The following ITFG1 variants were observed in gnomAD, a reference collection of about 807,000 sequenced individuals.
ITFG1 encodes the protein integrin alpha FG-GAP repeat containing 1.
In ITFG1, 34 loss-of-function variants were observed where a neutral mutation model predicts 81.8. That is an observed-to-expected ratio of 0.42 (90% CI 0.32 to 0.55). The LOEUF (loss-of-function observed/expected upper bound fraction) is 0.55, where lower values mean the gene tolerates loss of function less well. Among genes scored for constraint, ITFG1 ranks in the 20% least tolerant of loss-of-function variants. The probability of loss-of-function intolerance (pLI) is 0.17; values close to 1 mark genes in which losing one functional copy is unlikely to be tolerated. For missense variants in ITFG1, 672 were observed against 755.4 expected, an observed-to-expected ratio of 0.89 and a Z score of 1.29; for synonymous variants, 285 against 270.6, an observed-to-expected ratio of 1.05 and a Z score of -0.52.
At chr16:47,378,268 A>C (rs1020609736) in intron 6 of ITFG1, among the ~76,000 whole-genome samples, 7 of 152,230 alleles carry the variant, frequency 4.6e-5, no homozygotes, top group African/African-American at 1.7e-4. Flanking sequence ...CTCTTAACCC[A>C]TTTGAAAATA....
intron 8 of ITFG1, among the ~76,000 whole-genome samples, chr16:47,317,170 AT>A (rs1381053556): frequency 6.6e-6 from 1 of 152,216 alleles, no homozygotes; most frequent in East Asian, 1.9e-4. Context: ...CTCTAGCCAA[AT>A]TACAAATGAA....
chr16:47,459,063 A>T, intron 2 of ITFG1, 40 bp downstream of exon 2: 1 of 1,218,182 alleles, frequency 8.2e-7, no homozygotes, highest in Non-Finnish European at 1.2e-6. Flanking sequence ...TATTATATTA[A>T]TGACTAAAGT....
intron 13 of ITFG1, among the ~76,000 whole-genome samples, chr16:47,230,043 G>C (rs908956916): frequency 6.6e-6 from 1 of 152,106 alleles, no homozygotes; most frequent in Admixed American, 6.5e-5. Flanking sequence ...TTTATCATAG[G>C]TACGTACGTG....
intron 10 of ITFG1, among the ~76,000 whole-genome samples, chr16:47,266,077 A>G (rs1401103059): frequency 6.6e-6 from 1 of 152,208 alleles, no homozygotes; most frequent in African/African-American, 2.4e-5. Context: ...TTTTCAAGGA[A>G]AATATATACG....
rs199595277 is a variant in ITFG1, at chr16:47,161,870, A to T, written c.1579-38T>A. On this transcript the variant is annotated intron_variant, in intron 15 of 17. Transcript: ENST00000320640. ...TTTAAGAACATTTAACATTCAGCACATTTAAAAAACACAATTATTATTCTA... is the reference window on the plus strand; with the variant it reads ...TTTAAGAACATTTAACATTCAGCACTTTTAAAAAACACAATTATTATTCTA... 8.1e-4 allele frequency: 960 copies of T among 1,192,232 alleles called. 3 individuals carry two copies. Among genetic ancestry groups the T allele is most frequent in the Non-Finnish European group, 1.1e-3 (866 of 797,828 alleles). 73.9% of individuals were successfully genotyped at this position (1,192,232 alleles called of 1,614,324 possible).
intron 2 of ITFG1, among the ~76,000 whole-genome samples, chr16:47,456,503 C>A (rs1969455120): frequency 6.6e-6 from 1 of 151,868 alleles, no homozygotes. Context: ...CCAGCCCGGG[C>A]AACACGGTGA....
intron 9 of ITFG1, chr16:47,312,627 GTTTT>G (rs1967284998): frequency 6.6e-6 from 1 of 152,070 alleles, no homozygotes; most frequent in Non-Finnish European, 1.5e-5. Flanking sequence ...AAATTGTTGT[GTTTT>G]ATTTCAGCAG....
chr16:47,432,527 C>T (rs1461170963), intron 5 of ITFG1, among the ~76,000 whole-genome samples: 2 of 152,172 alleles, frequency 1.3e-5, no homozygotes, highest in African/African-American at 2.4e-5. Context: ...TATTTTAGCA[C>T]AAGCAGGGCC....
intron 13 of ITFG1, among the ~76,000 whole-genome samples, chr16:47,223,424 C>G (rs1034452407): frequency 6.6e-6 from 1 of 152,192 alleles, no homozygotes; most frequent in African/African-American, 2.4e-5. Context: ...AGACACTTCT[C>G]AAAAGAAGAC....
At chr16:47,308,237 C>T (rs1271546286) in intron 10 of ITFG1, among the ~76,000 whole-genome samples, 1 of 152,140 alleles carries the variant, frequency 6.6e-6, no homozygotes, top group Non-Finnish European at 1.5e-5. Flanking sequence ...CACAGTGGCT[C>T]GACTAATCTA....
chr16:47,237,330 A>C (rs181243332), intron 13 of ITFG1, among the ~76,000 whole-genome samples: 44 of 152,306 alleles, frequency 2.9e-4, no homozygotes, highest in African/African-American at 8.9e-4. Context: ...AACTTCTCTG[A>C]GTCTCAGTTT....
At chr16:47,425,410 C>G (rs368974540) in intron 6 of ITFG1, among the ~76,000 whole-genome samples, 1 of 152,090 alleles carries the variant, frequency 6.6e-6, no homozygotes, top group Non-Finnish European at 1.5e-5. Flanking sequence ...CTGGGTAAGG[C>G]GACACCCCAC....
chr16:47,351,726 G>A (rs1177655767), intron 8 of ITFG1, among the ~76,000 whole-genome samples: 1 of 174 alleles, frequency 5.7e-3, no homozygotes, highest in Non-Finnish European at 0.011. Flanking sequence ...AAGTTCATAC[G>A]GAACCAAAAA....
chr16:47,217,053 C>A, intron 14 of ITFG1, among the ~76,000 whole-genome samples: 1 of 151,674 alleles, frequency 6.6e-6, no homozygotes, highest in East Asian at 1.9e-4. Flanking sequence ...GCTAGAGTAG[C>A]TATTGTATCT....
chr16:47,187,375 C>T (rs889792415), intron 14 of ITFG1, among the ~76,000 whole-genome samples: 4 of 151,590 alleles, frequency 2.6e-5, no homozygotes, highest in African/African-American at 4.8e-5. Flanking sequence ...TACAAGGCTA[C>T]AGTAACCAAA....
At chr16:47,219,907 T>C (rs1201851798) in intron 13 of ITFG1, among the ~76,000 whole-genome samples, 1 of 152,336 alleles carries the variant, frequency 6.6e-6, no homozygotes, top group South Asian at 2.1e-4. Context: ...AAATGATTCA[T>C]GAAGAAATCA....
At chr16:47,388,592 T>C (rs750068113) in intron 6 of ITFG1, among the ~76,000 whole-genome samples, 4 of 152,002 alleles carry the variant, frequency 2.6e-5, no homozygotes, top group Non-Finnish European at 5.9e-5. Context: ...CAACCAAAAG[T>C]CCTACATTCA....
At chr16:47,270,355 T>C (rs1169629694) in intron 10 of ITFG1, among the ~76,000 whole-genome samples, 2 of 142,072 alleles carry the variant, frequency 1.4e-5, no homozygotes, top group East Asian at 3.8e-4. Context: ...TCTTTCAATA[T>C]TCAATAATAA....
chr16:47,338,138 A>C (rs1424008489), intron 8 of ITFG1, among the ~76,000 whole-genome samples: 2 of 152,200 alleles, frequency 1.3e-5, no homozygotes, highest in Non-Finnish European at 2.9e-5. Flanking sequence ...GGCCAGGCGC[A>C]GTGGCCCACG....
Sources: gnomAD v4.1 joint callset for allele counts (sites outside exome capture counted in the v4.1 genomes callset) on GRCh38, gnomAD v4.1.1 for gene constraint, MANE v1.5 for transcripts, NCBI Gene and HGNC (gene_info 2026-07-23, HGNC 2026-07-21) for gene names.